AMZ1: variants seen among roughly 807,000 people sequenced by gnomAD.
The protein encoded by AMZ1 is archaelysin family metallopeptidase 1, also known as archaemetzincin-1.
A neutral mutation model predicts 29.9 loss-of-function variants in AMZ1; 39 were observed. The observed-to-expected ratio is 1.30, with a 90% CI of 1.01 to 1.70. The LOEUF (loss-of-function observed/expected upper bound fraction) is 1.70, where lower values mean the gene tolerates loss of function less well. Ranked by LOEUF, AMZ1 falls within the 40% of genes most tolerant of loss-of-function variation. The pLI is 0.00. For synonymous variants in AMZ1, 458 were observed against 304.0 expected (o/e 1.51, Z -5.27); for missense variants, 1,041 against 680.6 (o/e 1.53, Z -5.89).
chr7:2,762,933 G>A (rs1437066951), upstream of AMZ1: 1 of 1,398,426 alleles, frequency 7.2e-7, no homozygotes. Context: ...GGACGCCCCA[G>A]ACACTCCCGT....
rs746450131 is a variant in AMZ1, at chr7:2,712,360, G to T, written c.979G>T (p.Gly327Trp). 1.2e-6 allele frequency: 2 copies of T among 1,600,366 alleles called. No homozygotes were observed. Among genetic ancestry groups the T allele is most frequent in the Admixed American group, 3.4e-5 (2 of 58,750 alleles). Residue 327 changes from glycine (G) to tryptophan (W), a missense_variant, in exon 7 of 7, where the codon GGG (glycine) becomes TGG (tryptophan). Coordinates refer to ENST00000683327, the MANE Select transcript of AMZ1 (RefSeq NM_001384743.1). ...CTACACCTGGACTCAGGCGGTGGTG[G>T]GGACGTGGCCCAGCCAGGAGGCGGG... The part of the protein sequence containing the change: ...RLYTWTQAVV[G>W]TWPSQEAGEP...
chr7:2,683,121 C>T (rs908636535), intron 1 of AMZ1, among the ~76,000 whole-genome samples: 3 of 152,220 alleles, frequency 2.0e-5, no homozygotes, highest in Admixed American at 6.5e-5. Flanking sequence ...TTTTCCTCTT[C>T]CTTATAAAAC....
At chr7:2,723,272 C>T (rs1028270551), downstream of AMZ1, among the ~76,000 whole-genome samples, 13 of 152,254 alleles carry the variant, frequency 8.5e-5, no homozygotes, top group Non-Finnish European at 1.9e-4. Flanking sequence ...GTCACAAGAG[C>T]TGCTGGCACC....
At chr7:2,682,290 T>G (rs1352149421) in intron 1 of AMZ1, among the ~76,000 whole-genome samples, 1 of 123,580 alleles carries the variant, frequency 8.1e-6, no homozygotes, top group South Asian at 3.2e-4. Context: ...CAGGACAGGG[T>G]GGGGGGTGGG....
chr7:2,692,141 G>A (rs1411954642), intron 1 of AMZ1, among the ~76,000 whole-genome samples: 3 of 152,178 alleles, frequency 2.0e-5, no homozygotes, highest in African/African-American at 2.4e-5. Flanking sequence ...CGGGTGCTCC[G>A]AGGCCGGCTA....
chr7:2,743,203 G>A (rs982406016), intron 4 of AMZ1, among the ~76,000 whole-genome samples: 4 of 152,172 alleles, frequency 2.6e-5, no homozygotes, highest in African/African-American at 9.7e-5. Flanking sequence ...CAAACTGAAA[G>A]GGGTCTCTGC....
rs1583187058 is a variant in AMZ1, at chr7:2,717,052, T to G, written c.*4174T>G. ...CGCGGGAGGCCTGCACCCTGATCCC[T>G]GAGCAGCCCCCACACACCGGCACCC... On this transcript the variant is annotated 3_prime_UTR_variant, in exon 7 of 7. Transcript: ENST00000683327. 6.6e-6 allele frequency among the ~76,000 whole-genome samples: 1 copy of G among 152,180 alleles called. No individual in the cohort carries two copies. The highest frequency in any genetic ancestry group is 6.5e-5 in the Admixed American group (1 of 15,274).
At chr7:2,706,526 G>C (rs186285736) in intron 3 of AMZ1, among the ~76,000 whole-genome samples, 1 of 152,356 alleles carries the variant, frequency 6.6e-6, no homozygotes, top group East Asian at 1.9e-4. Flanking sequence ...CGTGGTCTCA[G>C]AAGGCTCCGT....
intron 4 of AMZ1, among the ~76,000 whole-genome samples, chr7:2,756,793 T>C (rs1357215400): frequency 6.6e-6 from 1 of 152,090 alleles, no homozygotes; most frequent in East Asian, 1.9e-4. Context: ...TACTTTAAGT[T>C]AGTCAAAGAG....
At chr7:2,752,377 G>GTT (rs760877045) in intron 4 of AMZ1, among the ~76,000 whole-genome samples, 27 of 152,180 alleles carry the variant, frequency 1.8e-4, no homozygotes, top group Non-Finnish European at 3.4e-4. Flanking sequence ...CTAACACTGG[G>GTT]TGTAAGGCAA....
At chr7:2,759,490 A>G (rs1490974510) in intron 4 of AMZ1, among the ~76,000 whole-genome samples, 1 of 152,196 alleles carries the variant, frequency 6.6e-6, no homozygotes, top group Non-Finnish European at 1.5e-5. Context: ...GTAAGTTACT[A>G]CTGTTTAGGA....
At position 2,695,297 on chromosome 7, in the gene AMZ1, G is replaced by A. The variant is rs531797844; in HGVS notation, c.-218-4937G>A. On this transcript the variant is annotated intron_variant, in intron 1 of 6. Transcript: ENST00000683327. Reference sequence around the variant, plus strand: ...GTGCACTCCAGGAGTCCAGGAGTGAGACCCACGCTGGAGTCTGGTGGTGGG... The same window carrying A: ...GTGCACTCCAGGAGTCCAGGAGTGAAACCCACGCTGGAGTCTGGTGGTGGG... Among the ~76,000 whole-genome samples the A allele has an allele frequency of 7.9e-5, 12 of 152,300 alleles. 1 individual carries two copies. Among genetic ancestry groups the A allele is most frequent in the African/African-American group, 2.6e-4 (11 of 41,554 alleles).
At position 2,719,507 on chromosome 7, in the gene AMZ1, T is replaced by C. The variant is rs1320205147; in HGVS notation, c.*6629T>C. Among the ~76,000 whole-genome samples, 1 of 152,346 alleles carries C rather than the reference T, an allele frequency of 6.6e-6. No homozygotes were observed. The highest frequency in any genetic ancestry group is 1.9e-4 in the East Asian group (1 of 5,190). ...TACATGAGCTTTGATCACCGCTCGA[T>C]TGTATGGCACAGTTATTTTTAAAAA... On this transcript the variant is annotated 3_prime_UTR_variant, in exon 7 of 7. Transcript: ENST00000683327.
chr7:2,682,644 C>G (rs1442481338), intron 1 of AMZ1, among the ~76,000 whole-genome samples: 2 of 152,186 alleles, frequency 1.3e-5, no homozygotes, highest in African/African-American at 4.8e-5. Context: ...CTACTGCACC[C>G]AGGAGACCTC....
At chr7:2,746,466 C>G (rs1790768591) in intron 4 of AMZ1, among the ~76,000 whole-genome samples, 1 of 152,050 alleles carries the variant, frequency 6.6e-6, no homozygotes, top group Non-Finnish European at 1.5e-5. Context: ...TTCTTTGAAA[C>G]CAACGAGAAC....
At chr7:2,705,716 G>A (rs1451749841) in intron 3 of AMZ1, among the ~76,000 whole-genome samples, 1 of 152,188 alleles carries the variant, frequency 6.6e-6, no homozygotes, top group African/African-American at 2.4e-5. Flanking sequence ...TCCCCTGGGT[G>A]GCATGTTTCT....
chr7:2,699,219 C>G (rs974169011), intron 1 of AMZ1, among the ~76,000 whole-genome samples: 1 of 152,168 alleles, frequency 6.6e-6, no homozygotes, highest in Non-Finnish European at 1.5e-5. Flanking sequence ...ATAAATGTAG[C>G]CCGGAACCAA....
At position 2,709,327 on chromosome 7, in the gene AMZ1, C is replaced by T. The variant is rs139942397; in HGVS notation, c.771+83C>T. The T allele has an allele frequency of 5.0e-4, 676 of 1,347,742 alleles. 4 individuals are homozygous for T. The African/African-American group carries it at 8.7e-3, about 17-fold the overall frequency. The allele number at this position is 1,347,742 out of a possible 1,614,324, so 83.5% of individuals were successfully genotyped here. A position where few individuals can be genotyped will look rare whatever the true frequency, so the allele number is the denominator to read the frequency against. On this transcript the variant is annotated intron_variant, in intron 5 of 6. Coordinates refer to ENST00000683327, the MANE Select transcript of AMZ1 (RefSeq NM_001384743.1). The stretch of plus-strand genomic sequence containing the variant: ...GGTGCCTCGGTCTGTTACACTGCCC[C>T]ATCCTCACAGTGAAGTGGATGGACC...
chr7:2,709,163 A>T lies in AMZ1; in HGVS notation c.690A>T (p.Ala230=), dbSNP rs976742061. 6.4e-7 allele frequency: 1 copy of T among 1,566,526 alleles called. No individual in the cohort carries two copies. The highest frequency in any genetic ancestry group is 2.3e-5 in the East Asian group (1 of 43,724). Residue 230 remains alanine, a synonymous_variant, in exon 5 of 7, where the codon GCA becomes GCT. Coordinates refer to ENST00000683327, the MANE Select transcript of AMZ1 (RefSeq NM_001384743.1). The stretch of plus-strand genomic sequence containing the variant: ...CTGATCTGGCCCTGGTAGAGGCAGC[A>T]GCAGACGGCCCCGAGGCCCCCCTGC... ...SAPDLALVEA[A]ADGPEAPLQD... is the part of the protein sequence containing the mutation.
Sources: gnomAD v4.1 joint callset for allele counts (sites outside exome capture counted in the v4.1 genomes callset) on GRCh38, gnomAD v4.1.1 for gene constraint, MANE v1.5 for transcripts, NCBI Gene and HGNC (gene_info 2026-07-23, HGNC 2026-07-21) for gene names.